The following TBC1D32 variants were observed in gnomAD, a reference collection of about 807,000 sequenced individuals.
The protein encoded by TBC1D32 is TBC1 domain family member 32, also known as protein broad-minded.
Under a neutral mutation model 170.3 loss-of-function variants are expected in TBC1D32, and 151 were observed. The ratio of observed to expected loss-of-function variants is 0.89; its 90% CI spans 0.78 to 1.01. TBC1D32 has a LOEUF of 1.01. TBC1D32 is among the 50% of genes least tolerant of loss of function. The pLI is 0.00. For missense variants in TBC1D32, 1,464 were observed against 1,457.1 expected, an observed-to-expected ratio of 1.00 and a Z score of -0.08; for synonymous variants, 498 against 488.0, an observed-to-expected ratio of 1.02 and a Z score of -0.27.
intron 24 of TBC1D32, among the ~76,000 whole-genome samples, chr6:121,148,355 T>C (rs1466233427): frequency 1.3e-5 from 2 of 152,184 alleles, no homozygotes; most frequent in African/African-American, 4.8e-5. Flanking sequence ...ATGGTGTACA[T>C]ATGCCACATT....
At position 121,241,506 on chromosome 6, in the gene TBC1D32, A is replaced by G; in HGVS notation, c.2204T>C (p.Val735Ala). ...AATGCCACCTGCTGCTGTTGATGCC[A>G]CTCGTGTAACCAAAACTCCATAGCC... ...KFGYGVLVTR[V>A]ASTAAGGIAL... is the part of the protein sequence containing the mutation. The change falls in exon 19 of 32, where the codon GTG (valine) becomes GCG (alanine). Residue 735 changes from valine (V) to alanine (A), a missense_variant. Physicochemically the swap from Val to Ala is moderately conservative, Grantham distance 64. Coordinates refer to ENST00000398212, the MANE Select transcript of TBC1D32 (RefSeq NM_152730.6). 6.2e-7 allele frequency: 1 copy of G among 1,613,542 alleles called. No homozygotes were observed. The highest frequency in any genetic ancestry group is 1.7e-4 in the Middle Eastern group (1 of 6,058).
chr6:121,108,715 A>G (rs1778932725), intron 29 of TBC1D32, among the ~76,000 whole-genome samples: 1 of 151,882 alleles, frequency 6.6e-6, no homozygotes, highest in Non-Finnish European at 1.5e-5. Flanking sequence ...TCTTTTGGGG[A>G]GTCATTTTAT....
At chr6:121,256,707 T>C (rs1475021943) in intron 15 of TBC1D32, among the ~76,000 whole-genome samples, 1 of 151,496 alleles carries the variant, frequency 6.6e-6, no homozygotes, top group Non-Finnish European at 1.5e-5. Flanking sequence ...AGATGGAGTG[T>C]CCTCTGTCAA....
intron 26 of TBC1D32, 117 bp downstream of exon 26, chr6:121,126,261 C>A: frequency 2.9e-6 from 2 of 680,408 alleles, no homozygotes; most frequent in Non-Finnish European, 2.5e-6. Flanking sequence ...TATATGGCAC[C>A]AAGTAAGAGA....
rs147113267 is a variant in TBC1D32, at chr6:121,258,536, CTT to C, written c.1734-2253_1734-2252del. Among the ~76,000 whole-genome samples the C allele has an allele frequency of 8.6e-3, 1,309 of 151,894 alleles. 15 individuals are homozygous for C. Among genetic ancestry groups the C allele is most frequent in the African/African-American group, 0.03 (1,243 of 41,438 alleles). ...ATAATCAAGGTATAATCCTAGATAT[CTT>C]GTTTCCATATCTGTTTCTCCACATT... On this transcript the variant is annotated intron_variant, in intron 15 of 31. Coordinates refer to ENST00000398212, the MANE Select transcript of TBC1D32 (RefSeq NM_152730.6).
At chr6:121,237,854 T>C (rs1429171256) in intron 20 of TBC1D32, among the ~76,000 whole-genome samples, 1 of 152,152 alleles carries the variant, frequency 6.6e-6, no homozygotes, top group Non-Finnish European at 1.5e-5. Flanking sequence ...TTCTCAAGAA[T>C]GAATCACATT....
intron 22 of TBC1D32, among the ~76,000 whole-genome samples, chr6:121,172,191 G>A (rs763707263): frequency 3.9e-5 from 6 of 152,088 alleles, no homozygotes; most frequent in Non-Finnish European, 8.8e-5. Context: ...CGTGGGAACT[G>A]TGAGTCCATT....
At chr6:121,121,481 A>G (rs530720989) in intron 26 of TBC1D32, among the ~76,000 whole-genome samples, 2 of 152,210 alleles carry the variant, frequency 1.3e-5, no homozygotes, top group African/African-American at 4.8e-5. Flanking sequence ...TGCTAACTCT[A>G]CTTTCTTCAC....
At chr6:121,122,107 C>G (rs931831363) in intron 26 of TBC1D32, among the ~76,000 whole-genome samples, 2 of 151,918 alleles carry the variant, frequency 1.3e-5, no homozygotes, top group African/African-American at 4.8e-5. Context: ...GAAAAATAGC[C>G]TGTTGTCCTC....
chr6:121,190,073 G>GACAAACAC (rs1789748262), intron 22 of TBC1D32, among the ~76,000 whole-genome samples: 4 of 63,732 alleles, frequency 6.3e-5, no homozygotes, highest in African/African-American at 2.5e-4. Context: ...GCCCAATACA[G>GACAAACAC]ACACACACAC....
chr6:121,091,113 C>T, intron 30 of TBC1D32, 72 bp from the exon 31 acceptor site: 1 of 1,231,774 alleles, frequency 8.1e-7, no homozygotes, highest in Non-Finnish European at 1.1e-6. Flanking sequence ...AAAACATTAA[C>T]CAATAACTCA....
intron 25 of TBC1D32, among the ~76,000 whole-genome samples, chr6:121,129,379 T>C (rs1019061070): frequency 2.6e-5 from 4 of 152,196 alleles, no homozygotes; most frequent in African/African-American, 9.7e-5. Flanking sequence ...GCTATGATAT[T>C]CAGTAGGTTA....
rs371151560 is a variant in TBC1D32 at position 121,213,524 on chromosome 6, T to TAAAATAAAATAAAATAAATA, written c.2482-8362_2482-8361insTATTTATTTTATTTTATTTT. Among the ~76,000 whole-genome samples the TAAAATAAAATAAAATAAATA allele has an allele frequency of 5.7e-3, 177 of 30,892 alleles. 1 individual carries two copies. The highest frequency in any genetic ancestry group is 0.014 in the African/African-American group (79 of 5,632). The allele number at this position is 30,892 out of a possible 152,430, so 20.3% of individuals were successfully genotyped here. ...TAAAATAAAATAAAATAAAATAAAA[T>TAAAATAAAATAAAATAAATA]AAATAAAATAAAATAAAATAAAATA... On this transcript the variant is annotated intron_variant, in intron 21 of 31. Coordinates refer to ENST00000398212, the MANE Select transcript of TBC1D32 (RefSeq NM_152730.6).
At chr6:121,096,484 T>C (rs1319165579) in intron 30 of TBC1D32, among the ~76,000 whole-genome samples, 1 of 152,050 alleles carries the variant, frequency 6.6e-6, no homozygotes, top group Non-Finnish European at 1.5e-5. Flanking sequence ...GAATACAATT[T>C]ACAAGGGATG....
intron 30 of TBC1D32, among the ~76,000 whole-genome samples, chr6:121,095,745 G>A (rs536168688): frequency 1.1e-3 from 166 of 152,232 alleles, no homozygotes; most frequent in Admixed American, 1.6e-3. Context: ...ATTGATTTGC[G>A]TATGTTGAAC....
At chr6:121,286,388 G>C (rs1229482897) in intron 12 of TBC1D32, among the ~76,000 whole-genome samples, 1 of 152,176 alleles carries the variant, frequency 6.6e-6, no homozygotes, top group Non-Finnish European at 1.5e-5. Context: ...AACGGTATCA[G>C]TGATGGAAGA....
At chr6:121,171,321 T>TAAA (rs59558382) in intron 22 of TBC1D32, among the ~76,000 whole-genome samples, 4 of 131,784 alleles carry the variant, frequency 3.0e-5, no homozygotes, top group Non-Finnish European at 4.9e-5. Flanking sequence ...TCTTACAAGT[T>TAAA]AAAAAAAAAA....
chr6:121,084,819 C>T (rs947657848), intron 31 of TBC1D32, among the ~76,000 whole-genome samples: 1 of 151,972 alleles, frequency 6.6e-6, no homozygotes, highest in Admixed American at 6.6e-5. Flanking sequence ...ACATGGTATA[C>T]CCTGGTTTAT....
intron 11 of TBC1D32, among the ~76,000 whole-genome samples, chr6:121,292,591 C>T (rs1022981980): frequency 6.6e-6 from 1 of 152,126 alleles, no homozygotes; most frequent in East Asian, 1.9e-4. Flanking sequence ...TTAACAAGCA[C>T]GTCTAAGTGA....
Sources: allele counts gnomAD v4.1 joint callset (sites outside exome capture counted in the v4.1 genomes callset), GRCh38; gene constraint gnomAD v4.1.1; transcripts MANE v1.5; gene names NCBI Gene and HGNC (gene_info 2026-07-23, HGNC 2026-07-21).